The following SIRT5 variants were observed in gnomAD, a reference collection of about 807,000 sequenced individuals.
SIRT5 encodes the protein NAD-dependent protein deacylase sirtuin-5, mitochondrial.
SIRT5 carries 26 observed loss-of-function variants against 40.0 expected under a neutral mutation model. That is an observed-to-expected ratio of 0.65 (90% CI 0.48 to 0.90). The LOEUF (loss-of-function observed/expected upper bound fraction) is 0.90. Ranked by LOEUF, SIRT5 falls within the 40% of genes least tolerant of loss-of-function variation. The pLI is 0.00. For missense variants in SIRT5, 401 were observed against 402.4 expected (o/e 1.00, Z 0.03); for synonymous variants, 146 against 149.1 (o/e 0.98, Z 0.15).
rs1347502432 is a variant in SIRT5, at chr6:13,591,700, ACC to A, written c.283_284del (p.Pro95ValfsTer30). 6.2e-7 allele frequency: 1 copy of A among 1,601,130 alleles called. No homozygotes were observed. The highest frequency in any genetic ancestry group is 1.1e-5 in the South Asian group (1 of 90,194). On this transcript the variant is annotated frameshift_variant, in exon 5 of 10. Transcript: ENST00000606117. LOFTEE classifies it high-confidence loss of function. ...GCGACTCCCCTGGCCTTTGCCCACAACCCGTCCCGGGTGTGGGAGTTCTACCA... is the reference window on the plus strand; with the variant it reads ...GCGACTCCCCTGGCCTTTGCCCACAACGTCCCGGGTGTGGGAGTTCTACCA...
intron 5 of SIRT5, among the ~76,000 whole-genome samples, chr6:13,594,948 T>C (rs1180523189): frequency 6.6e-6 from 1 of 152,240 alleles, no homozygotes; most frequent in Non-Finnish European, 1.5e-5. Flanking sequence ...AGTTAAAATT[T>C]TGTAAACATA....
intron 9 of SIRT5, among the ~76,000 whole-genome samples, chr6:13,608,415 A>G (rs762349174): frequency 4.6e-5 from 7 of 152,104 alleles, no homozygotes; most frequent in Non-Finnish European, 1.0e-4. Context: ...GCGAAACCCC[A>G]TCTCTACTAA....
intron 5 of SIRT5, among the ~76,000 whole-genome samples, chr6:13,592,307 G>T (rs1761023479): frequency 6.6e-6 from 1 of 152,194 alleles, no homozygotes; most frequent in Non-Finnish European, 1.5e-5. Context: ...ACAGCTGCGT[G>T]ACCCTTTCCT....
intron 2 of SIRT5, among the ~76,000 whole-genome samples, chr6:13,582,475 T>C (rs1251239614): frequency 2.6e-5 from 4 of 152,160 alleles, no homozygotes. Flanking sequence ...TGAAGCTCTA[T>C]ACTCATTATT....
At chr6:13,580,597 C>T (rs1185583562) in intron 2 of SIRT5, among the ~76,000 whole-genome samples, 1 of 152,112 alleles carries the variant, frequency 6.6e-6, no homozygotes, top group Non-Finnish European at 1.5e-5. Context: ...CTCTGTCTCT[C>T]TTTCCCTCTC....
chr6:13,593,938 G>A (rs1234844427), intron 5 of SIRT5, among the ~76,000 whole-genome samples: 1 of 152,112 alleles, frequency 6.6e-6, no homozygotes, highest in Non-Finnish European at 1.5e-5. Flanking sequence ...TCTGTGTCTC[G>A]GGAGATGGAT....
intron 1 of SIRT5, among the ~76,000 whole-genome samples, chr6:13,578,983 G>C (rs749712488): frequency 6.6e-6 from 1 of 152,126 alleles, no homozygotes; most frequent in Non-Finnish European, 1.5e-5. Flanking sequence ...CCACCTGGAA[G>C]ATAAAATCAA....
chr6:13,586,461 T>C (rs1467826678), intron 3 of SIRT5, among the ~76,000 whole-genome samples: 1 of 152,218 alleles, frequency 6.6e-6, no homozygotes, highest in Non-Finnish European at 1.5e-5. Context: ...TTTCTACATA[T>C]GGCTAGGCAG....
At chr6:13,598,825 CAAAAAAAAAAA>C (rs368964409) in intron 7 of SIRT5, among the ~76,000 whole-genome samples, 196 bp from the exon 8 acceptor site, 1 of 47,110 alleles carries the variant, frequency 2.1e-5, no homozygotes, top group Non-Finnish European at 4.4e-5. Flanking sequence ...GACTCCGTCT[CAAAAAAAAAAA>C]AAAAAAAAAA....
At chr6:13,611,201 G>C (rs1167159615) in intron 9 of SIRT5, among the ~76,000 whole-genome samples, 1 of 97,982 alleles carries the variant, frequency 1.0e-5, no homozygotes. Context: ...TTTTATGTGT[G>C]TGTGTGTATA....
intron 2 of SIRT5, 95 bp downstream of exon 2, chr6:13,579,704 T>C (rs1335792848): frequency 6.6e-6 from 1 of 152,232 alleles, no homozygotes; most frequent in African/African-American, 2.4e-5. Context: ...GTTTTGATCT[T>C]CACAATTTTC....
At chr6:13,599,637 G>A (rs1196751106) in intron 8 of SIRT5, among the ~76,000 whole-genome samples, 1 of 152,192 alleles carries the variant, frequency 6.6e-6, no homozygotes, top group Non-Finnish European at 1.5e-5. Context: ...CATTGGGCCT[G>A]CTACCTGTTT....
In SIRT5 at chr6:13,584,126, AT is replaced by A; in HGVS notation, c.18del (p.Ile6MetfsTer6). 1.2e-6 allele frequency: 2 copies of A among 1,614,032 alleles called. No individual in the cohort carries two copies. The highest frequency in any genetic ancestry group is 1.7e-6 in the Non-Finnish European group (2 of 1,179,958). On this transcript the variant is annotated frameshift_variant, in exon 3 of 10. Coordinates refer to ENST00000606117, the MANE Select transcript of SIRT5 (RefSeq NM_012241.5). LOFTEE classifies it high-confidence loss of function. ...ACAAACCCTGATGCGACCTCTCCAG[AT>A]TGTCCCAAGTCGATTGATTTCCCAG... Reference protein sequence around the residue: MRPLQIVPSRLISQLY... With the variant: MRPLQXVPSRLISQLY...
At position 13,611,780 on chromosome 6, in the gene SIRT5, TCTC is replaced by T. The variant is rs1431180224; in HGVS notation, c.858-9_858-7del. 6.2e-7 allele frequency: 1 copy of T among 1,606,224 alleles called. No individual in the cohort carries two copies. Among genetic ancestry groups the T allele is most frequent in the East Asian group, 2.2e-5 (1 of 44,836 alleles). ...GTTCAAAACTGCTGTATTTGCTTCT[TCTC>T]TTTCAGGTTTCATTTCCAGGGACCC... On this transcript the variant is annotated splice_polypyrimidine_tract_variant and splice_region_variant and intron_variant, in intron 9 of 9. Transcript: ENST00000606117.
chr6:13,582,805 C>T (rs1436051915), intron 2 of SIRT5, among the ~76,000 whole-genome samples: 1 of 152,082 alleles, frequency 6.6e-6, no homozygotes, highest in African/African-American at 2.4e-5. Context: ...ACTGAATGTG[C>T]CTTAAGATCC....
rs565979779 is a variant in SIRT5, at chr6:13,582,552, G to A, written c.-35-1524G>A. Reference sequence around the variant, plus strand: ...GTATTGAGTTTTATGAGTTTTGACAGATACAGTCATGTAACTACTACCACA... The same window carrying A: ...GTATTGAGTTTTATGAGTTTTGACAAATACAGTCATGTAACTACTACCACA... On this transcript the variant is annotated intron_variant, in intron 2 of 9. Coordinates refer to ENST00000606117, the MANE Select transcript of SIRT5 (RefSeq NM_012241.5). Among the ~76,000 whole-genome samples, 25 of 139,602 alleles carry A rather than the reference G, an allele frequency of 1.8e-4. No individual in the cohort carries two copies. The South Asian group carries it at 5.7e-3, about 32-fold the overall frequency. 91.6% of individuals were successfully genotyped at this position (139,602 alleles called of 152,430 possible). A position where few individuals can be genotyped will look rare whatever the true frequency, so the allele number is the denominator to read the frequency against.
chr6:13,598,210 T>A (rs1761857225), intron 7 of SIRT5, among the ~76,000 whole-genome samples: 1 of 152,162 alleles, frequency 6.6e-6, no homozygotes, highest in Non-Finnish European at 1.5e-5. Flanking sequence ...GAGATTACTA[T>A]GATGAAAATG....
chr6:13,604,381 A>C lies in SIRT5; in HGVS notation c.857+3432A>C, dbSNP rs531133024. ...AAGCCTCCTGTCTGTTTGAAAGACC[A>C]TCAGAAAACTCGAAGAGTGGGACAG... On this transcript the variant is annotated intron_variant, in intron 9 of 9. Transcript: ENST00000606117. 9 of 821,200 alleles carry C rather than the reference A, an allele frequency of 1.1e-5. No individual in the cohort carries two copies. The East Asian group carries it at 2.0e-4, about 18-fold the overall frequency. 50.9% of individuals were successfully genotyped at this position (821,200 alleles called of 1,614,324 possible). A position where few individuals can be genotyped will look rare whatever the true frequency, so the allele number is the denominator to read the frequency against.
chr6:13,611,336 TAG>T (rs1763896335), intron 9 of SIRT5, among the ~76,000 whole-genome samples: 1 of 149,660 alleles, frequency 6.7e-6, no homozygotes, highest in South Asian at 2.1e-4. Context: ...ACGTGTTATA[TAG>T]ATACACATAA....
Sources: gnomAD v4.1 joint callset for allele counts (sites outside exome capture counted in the v4.1 genomes callset) on GRCh38, gnomAD v4.1.1 for gene constraint, MANE v1.5 for transcripts, NCBI Gene and HGNC (gene_info 2026-07-23, HGNC 2026-07-21) for gene names.